Variants in STAU2 observed in about 807,000 individuals in gnomAD.
STAU2 encodes the protein double-stranded RNA-binding protein Staufen homolog 2.
STAU2 carries 20 observed loss-of-function variants against 65.9 expected under a neutral mutation model. That is an observed-to-expected ratio of 0.30 (90% confidence interval 0.21 to 0.44). The LOEUF is 0.44. Among genes scored for constraint, STAU2 ranks in the 20% least tolerant of loss-of-function variants. The pLI is 1.00. For missense variants in STAU2, 558 were observed against 683.9 expected (o/e 0.82, Z 2.05); for synonymous variants, 232 against 233.9 (o/e 0.99, Z 0.07).
chr8:73,590,159 G>GAAGGAGAAGAAGAAAAGGTGGAGGAA (rs143261946), intron 11 of STAU2, among the ~76,000 whole-genome samples: 13,895 of 146,650 alleles, frequency 0.095, 900 homozygotes, highest in African/African-American at 0.17. Context: ...AAGAGGATAA[G>GAAGGAGAAGAAGAAAAGGTGGAGGAA]AAGGAGAAGA....
chr8:73,666,958 G>A (rs1277141086), intron 6 of STAU2, among the ~76,000 whole-genome samples: 1 of 152,156 alleles, frequency 6.6e-6, no homozygotes. Context: ...TGGCCATAAA[G>A]AGTGATAAAA....
intron 13 of STAU2, among the ~76,000 whole-genome samples, chr8:73,539,702 G>A (rs1806404513): frequency 6.6e-6 from 1 of 152,070 alleles, no homozygotes; most frequent in South Asian, 2.1e-4. Context: ...AATTAGCCAG[G>A]TGTTATGGTG....
intron 5 of STAU2, among the ~76,000 whole-genome samples, chr8:73,682,012 G>A (rs114709634): frequency 1.4e-3 from 215 of 151,898 alleles, no homozygotes; most frequent in African/African-American, 5.0e-3. Flanking sequence ...TGAGACAGAG[G>A]GCAAAATAAT....
chr8:73,577,137 T>C (rs1185874430), intron 12 of STAU2, among the ~76,000 whole-genome samples: 3 of 152,132 alleles, frequency 2.0e-5, no homozygotes, highest in African/African-American at 7.2e-5. Flanking sequence ...TGTTTAAATA[T>C]AATATTTATG....
At chr8:73,526,368 A>G (rs7834326) in intron 13 of STAU2, among the ~76,000 whole-genome samples, 104,694 of 152,100 alleles carry the variant, frequency 0.69, 37,065 homozygotes, top group Non-Finnish European at 0.79. Flanking sequence ...CCAATGAATG[A>G]ATAATGATTG....
At chr8:73,640,386 A>T (rs1398289123) in intron 6 of STAU2, among the ~76,000 whole-genome samples, 1 of 152,160 alleles carries the variant, frequency 6.6e-6, no homozygotes, top group Non-Finnish European at 1.5e-5. Context: ...TATTGGATAT[A>T]CCTAAACTTA....
intron 13 of STAU2, among the ~76,000 whole-genome samples, chr8:73,537,946 T>C (rs1372598038): frequency 6.6e-6 from 1 of 152,250 alleles, no homozygotes; most frequent in Non-Finnish European, 1.5e-5. Flanking sequence ...ACTTCTGTGA[T>C]AGTCTTACCA....
chr8:73,746,352 G>T (rs948274029), intron 1 of STAU2, among the ~76,000 whole-genome samples: 1 of 149,190 alleles, frequency 6.7e-6, no homozygotes, highest in Non-Finnish European at 1.5e-5. Flanking sequence ...CAGCCACACC[G>T]TGGCTGCACT....
At chr8:73,667,840 G>C (rs1817347741) in intron 6 of STAU2, among the ~76,000 whole-genome samples, 1 of 152,180 alleles carries the variant, frequency 6.6e-6, no homozygotes, top group Admixed American at 6.5e-5. Flanking sequence ...GGAAATTAAT[G>C]GAGGTCCAGA....
intron 13 of STAU2, among the ~76,000 whole-genome samples, chr8:73,543,096 G>C (rs1806656074): frequency 6.6e-6 from 1 of 152,096 alleles, no homozygotes; most frequent in East Asian, 1.9e-4. Context: ...CTAATTCTTA[G>C]CAATAAAAAC....
chr8:73,471,668 A>C (rs1820025143), intron 13 of STAU2, among the ~76,000 whole-genome samples: 1 of 151,902 alleles, frequency 6.6e-6, no homozygotes, highest in African/African-American at 2.4e-5. Context: ...AAAATACAAA[A>C]TTAGCCGGGC....
intron 13 of STAU2, among the ~76,000 whole-genome samples, chr8:73,486,611 TTA>T (rs138537650): frequency 9.7e-5 from 14 of 143,600 alleles, no homozygotes; most frequent in African/African-American, 1.5e-4. Context: ...AAAATATCCA[TTA>T]TATATATATA....
chr8:73,535,230 C>T (rs1437472185), intron 13 of STAU2, among the ~76,000 whole-genome samples: 2 of 152,000 alleles, frequency 1.3e-5, no homozygotes, highest in Non-Finnish European at 1.5e-5. Context: ...AGTGCAGTGG[C>T]GTGATCTTGG....
At chr8:73,535,362 G>C (rs539609242) in intron 13 of STAU2, among the ~76,000 whole-genome samples, 1 of 152,140 alleles carries the variant, frequency 6.6e-6, no homozygotes, top group South Asian at 2.1e-4. Context: ...GTAGAGATGG[G>C]GTTTCACCGT....
At chr8:73,603,458 T>C (rs112703373) in intron 10 of STAU2, among the ~76,000 whole-genome samples, 2,007 of 152,306 alleles carry the variant, frequency 0.013, 36 homozygotes, top group African/African-American at 0.044. Context: ...CACAAAAAGT[T>C]AAAAGATAGG....
At chr8:73,666,171 C>A (rs1238058695) in intron 6 of STAU2, among the ~76,000 whole-genome samples, 1 of 152,042 alleles carries the variant, frequency 6.6e-6, no homozygotes, top group Non-Finnish European at 1.5e-5. Flanking sequence ...GAGGGTGTTA[C>A]AAATGAGTGA....
intron 13 of STAU2, among the ~76,000 whole-genome samples, chr8:73,473,138 T>C (rs1820124515): frequency 6.6e-6 from 1 of 152,184 alleles, no homozygotes; most frequent in South Asian, 2.1e-4. Flanking sequence ...ATAGCATTCA[T>C]ATGCTGGCAG....
intron 13 of STAU2, among the ~76,000 whole-genome samples, chr8:73,505,285 A>T (rs1402344334): frequency 2.0e-5 from 3 of 152,126 alleles, no homozygotes; most frequent in East Asian, 3.9e-4. Flanking sequence ...CAAAAGGAAC[A>T]ATCAGAAGTC....
chr8:73,485,241 C>A (rs923918673), intron 13 of STAU2, among the ~76,000 whole-genome samples: 3 of 141,834 alleles, frequency 2.1e-5, no homozygotes, highest in African/African-American at 8.0e-5. Context: ...TGCAGTGGCA[C>A]AATCATAGCT....
Sources: gnomAD v4.1 joint callset for allele counts (sites outside exome capture counted in the v4.1 genomes callset) on GRCh38, gnomAD v4.1.1 for gene constraint, MANE v1.5 for transcripts, NCBI Gene and HGNC (gene_info 2026-07-23, HGNC 2026-07-21) for gene names.